Variants in TMC5 observed in about 807,000 individuals in gnomAD.
The protein encoded by TMC5 is transmembrane channel-like protein 5.
A neutral mutation model predicts 110.5 loss-of-function variants in TMC5; 86 were observed. The ratio of observed to expected loss-of-function variants is 0.78; its 90% CI spans 0.65 to 0.93. The LOEUF is 0.93. TMC5 is among the 40% of genes least tolerant of loss of function. TMC5 has a pLI of 0.00. For synonymous variants in TMC5, 455 were observed against 439.5 expected, an observed-to-expected ratio of 1.04 and a Z score of -0.44; for missense variants, 1,144 against 1,222.8, an observed-to-expected ratio of 0.94 and a Z score of 0.96.
At chr16:19,463,240 A>C in intron 6 of TMC5, 40 bp from the exon 7 acceptor site, 1 of 1,480,096 alleles carries the variant, frequency 6.8e-7, no homozygotes, top group Non-Finnish European at 9.5e-7. Context: ...AATGAGTTGC[A>C]ACATTTGTAT....
chr16:19,425,327 C>CTTTTTTTTT (rs35472194), intron 1 of TMC5, among the ~76,000 whole-genome samples: 9 of 124,588 alleles, frequency 7.2e-5, no homozygotes, highest in Non-Finnish European at 1.2e-4. Flanking sequence ...GTTGAGTTTG[C>CTTTTTTTTT]TTTTTTTTTT....
Position 19,481,367 on chromosome 16 carries a change from C to T in TMC5, c.2268-3C>T. On this transcript the variant is annotated splice_region_variant and splice_polypyrimidine_tract_variant and intron_variant, in intron 14 of 21. Coordinates refer to ENST00000542583, the MANE Select transcript of TMC5 (RefSeq NM_001261841.2). ...GGGTACTAAACTCAGTATGTTTTCA[C>T]AGAATCATTGGGATGCAACTGATCA... is the stretch of plus-strand genomic sequence containing the variant. 6.2e-7 allele frequency: 1 copy of T among 1,610,586 alleles called. No homozygotes were observed. Among genetic ancestry groups the T allele is most frequent in the Non-Finnish European group, 8.5e-7 (1 of 1,176,782 alleles).
chr16:19,420,637 A>T (rs1325280273), intron 1 of TMC5, among the ~76,000 whole-genome samples: 2 of 151,934 alleles, frequency 1.3e-5, no homozygotes, highest in African/African-American at 2.4e-5. Flanking sequence ...AATTTTTAAA[A>T]TTTTTTGTAG....
chr16:19,434,053 TAATATAA>T (rs1395944381), intron 2 of TMC5, among the ~76,000 whole-genome samples: 6 of 5,922 alleles, frequency 1.0e-3, no homozygotes, highest in South Asian at 0.011. Flanking sequence ...ATAATATATA[TAATATAA>T]ATCTATATAT....
chr16:19,456,939 A>C (rs1391142534), intron 5 of TMC5: 1 of 1,614,220 alleles, frequency 6.2e-7, no homozygotes, highest in South Asian at 1.1e-5. Flanking sequence ...TCTTTGAATG[A>C]GTCGATGTCT....
At chr16:19,442,139 G>T (rs898156637) in intron 3 of TMC5, among the ~76,000 whole-genome samples, 1 of 151,982 alleles carries the variant, frequency 6.6e-6, no homozygotes. Flanking sequence ...AGTTTTTCCA[G>T]GTTTAGATTC....
intron 10 of TMC5, among the ~76,000 whole-genome samples, chr16:19,471,085 A>T (rs1052359984): frequency 6.8e-6 from 1 of 147,988 alleles, no homozygotes; most frequent in African/African-American, 2.5e-5. Flanking sequence ...GGGGCTTTAA[A>T]TTTTTTTTTT....
In TMC5 at chr16:19,455,420, C is replaced by CTAAA. The variant is rs964403380; in HGVS notation, c.1049-4798_1049-4795dup. On this transcript the variant is annotated intron_variant, in intron 5 of 21. Transcript: ENST00000542583. ...TGGGCAACAGAGAGAGACTCTGTCT[C>CTAAA]TAAATAAATAAATAAATAAAAATTT... 5.3e-5 allele frequency among the ~76,000 whole-genome samples: 8 copies of CTAAA among 152,010 alleles called. No homozygotes were observed. The East Asian group carries it at 7.7e-4, about 15-fold the overall frequency.
At chr16:19,474,573 A>G (rs546513094) in intron 12 of TMC5, among the ~76,000 whole-genome samples, 109 of 152,240 alleles carry the variant, frequency 7.2e-4, no homozygotes, top group African/African-American at 2.6e-3. Flanking sequence ...GCTACTCAGG[A>G]GGCTGAGGTG....
rs935002479 is a variant in TMC5 at position 19,480,247 on chromosome 16, A to ATATC, written c.2267+735_2267+738dup. Among the ~76,000 whole-genome samples, 25 of 152,222 alleles carry ATATC rather than the reference A, an allele frequency of 1.6e-4. No individual in the cohort carries two copies. In the East Asian group the frequency reaches 1.7e-3, roughly 11 times the overall value. On this transcript the variant is annotated intron_variant, in intron 14 of 21. Transcript: ENST00000542583. ...AATTAATGTATTAATTTTATATTAG[A>ATATC]TATCTATCTATCTATCTATACAGAA...
chr16:19,420,208 C>T (rs752389749), intron 1 of TMC5, among the ~76,000 whole-genome samples: 5 of 151,954 alleles, frequency 3.3e-5, no homozygotes, highest in Non-Finnish European at 5.9e-5. Flanking sequence ...GGGCAGATCA[C>T]GAGATTAGGA....
chr16:19,490,529 G>A lies in TMC5; in HGVS notation c.2708G>A (p.Gly903Glu), dbSNP rs1336962920. The A allele has an allele frequency of 2.5e-6, 4 of 1,614,126 alleles. No homozygotes were observed. In the Admixed American group the frequency reaches 6.7e-5, roughly 27 times the overall value. ...WVVWIYRNLI[G>E]SVHFFFILTL... ...GTTTGGATCTATCGGAACCTCATTG[G>A]AAGTGTGCACTTCTTTTTCATCCTC... Residue 903 changes from glycine (G) to glutamate (E), a missense_variant, in exon 18 of 22, where the codon GGA (glycine) becomes GAA (glutamate). Gly to Glu is a moderately conservative substitution (Grantham distance 98). Coordinates refer to ENST00000542583, the MANE Select transcript of TMC5 (RefSeq NM_001261841.2).
At chr16:19,413,733 T>C (rs752615039), upstream of TMC5, among the ~76,000 whole-genome samples, 102 of 152,146 alleles carry the variant, frequency 6.7e-4, no homozygotes, top group Non-Finnish European at 1.2e-3. Flanking sequence ...GTGTCTGATA[T>C]TGTGCTTAGT....
chr16:19,444,226 C>G lies in TMC5; in HGVS notation c.934C>G (p.Pro312Ala). Residue 312 changes from proline (P) to alanine (A), a missense_variant, in exon 4 of 22, where the codon CCA (proline) becomes GCA (alanine). Physicochemically the swap from Pro to Ala is conservative, Grantham distance 27. Coordinates refer to ENST00000542583, the MANE Select transcript of TMC5 (RefSeq NM_001261841.2). ...EMANSYGHSL[P>A]GAPGSGYVNP... is the part of the protein sequence containing the mutation. Reference sequence around the variant, plus strand: ...GGCAAACTCATATGGCCACTCTCTGCCAGGTGCTCCTGGAAGTGGCTATGG... The same window carrying G: ...GGCAAACTCATATGGCCACTCTCTGGCAGGTGCTCCTGGAAGTGGCTATGG... 1 of 1,613,850 alleles carries G rather than the reference C, an allele frequency of 6.2e-7. No homozygotes were observed. Among genetic ancestry groups the G allele is most frequent in the Non-Finnish European group, 8.5e-7 (1 of 1,179,990 alleles).
At chr16:19,417,243 A>T (rs1264715502), upstream of TMC5, among the ~76,000 whole-genome samples, 5 of 151,460 alleles carry the variant, frequency 3.3e-5, no homozygotes, top group African/African-American at 1.2e-4. Flanking sequence ...ACACGACAGA[A>T]CCCCAGCTCT....
In TMC5 at chr16:19,466,233, G is replaced by C; in HGVS notation, c.1637G>C (p.Ser546Thr). The change falls in exon 9 of 22, where the codon AGC becomes ACC. Residue 546 changes from serine (S) to threonine (T), a missense_variant and splice_region_variant. Transcript: ENST00000542583. ...ACCTGCTTCTTCAGTTTGCTGTTCA[G>C]GTATGGAAGCATCTACATTTCCTGA... ...LTTCFFSLLF[S>T]MAKYFRNNFI... 6.2e-7 allele frequency: 1 copy of C among 1,613,342 alleles called. No homozygotes were observed. The highest frequency in any genetic ancestry group is 8.5e-7 in the Non-Finnish European group (1 of 1,179,764).
chr16:19,481,387 T>G lies in TMC5; in HGVS notation c.2285T>G (p.Leu762Arg), dbSNP rs1567322990. 1.9e-6 allele frequency: 3 copies of G among 1,613,504 alleles called. No homozygotes were observed. Among genetic ancestry groups the G allele is most frequent in the Non-Finnish European group, 2.5e-6 (3 of 1,179,514 alleles). ...TTTCACAGAATCATTGGGATGCAAC[T>G]GATCACAAGTCTTGGCCTTCAGGAG... ...EFLRRIIGMQLITSLGLQEFD... is the reference protein window; with the variant it reads ...EFLRRIIGMQRITSLGLQEFD... The change falls in exon 15 of 22, where the codon CTG (leucine) becomes CGG (arginine). Residue 762 changes from leucine (L) to arginine (R), a missense_variant. Coordinates refer to ENST00000542583, the MANE Select transcript of TMC5 (RefSeq NM_001261841.2).
At chr16:19,438,425 A>ACGAAAGAAAG (rs1967401363) in intron 2 of TMC5, among the ~76,000 whole-genome samples, 1 of 88,430 alleles carries the variant, frequency 1.1e-5, no homozygotes, top group African/African-American at 4.4e-5. Context: ...AGAAAAGAAA[A>ACGAAAGAAAG]AGAAAGAAAG....
intron 2 of TMC5, among the ~76,000 whole-genome samples, chr16:19,438,435 G>GAAAGAAAGAAAGAAAGAAAGAA (rs376582005): frequency 3.4e-4 from 35 of 103,922 alleles, no homozygotes; most frequent in African/African-American, 5.4e-4. Context: ...AAGAAAGAAA[G>GAAAGAAAGAAAGAAAGAAAGAA]AGAAAGAAAG....
Sources: gnomAD v4.1 joint callset for allele counts (sites outside exome capture counted in the v4.1 genomes callset) on GRCh38, gnomAD v4.1.1 for gene constraint, MANE v1.5 for transcripts, NCBI Gene and HGNC (gene_info 2026-07-23, HGNC 2026-07-21) for gene names.